ENOSF1: variants seen among roughly 807,000 people sequenced by gnomAD.
ENOSF1 encodes the protein mitochondrial enolase superfamily member 1.
ENOSF1 carries 73 observed loss-of-function variants against 68.2 expected under a neutral mutation model. That is an observed-to-expected ratio of 1.07 (90% CI 0.89 to 1.30). ENOSF1 has a LOEUF of 1.30. ENOSF1 is among the 50% of genes most tolerant of loss of function. The pLI is 0.00. For synonymous variants in ENOSF1, 223 were observed against 210.4 expected (o/e 1.06, Z -0.52); for missense variants, 589 against 554.5 (o/e 1.06, Z -0.62).
At chr18:674,888 T>G (rs1488413162) in intron 15 of ENOSF1, among the ~76,000 whole-genome samples, 1 of 152,250 alleles carries the variant, frequency 6.6e-6, no homozygotes, top group Non-Finnish European at 1.5e-5. Context: ...CATATTTTAC[T>G]GGCTACTTGC....
chr18:683,492 A>AC (rs897626652), intron 10 of ENOSF1, 112 bp from the exon 11 acceptor site: 2 of 1,289,924 alleles, frequency 1.6e-6, no homozygotes, highest in Non-Finnish European at 2.2e-6. Context: ...GCTGAGTGAG[A>AC]CCCCCTAACG....
At chr18:666,960 TGGAGATGGTGATGGA>T (rs1567989628), downstream of ENOSF1, among the ~76,000 whole-genome samples, 15 of 22,604 alleles carry the variant, frequency 6.6e-4, no homozygotes, top group Non-Finnish European at 9.2e-4. Context: ...GTGATGGAGA[TGGAGATGGTGATGGA>T]GATGGAGATG....
downstream of ENOSF1, chr18:667,587 GGT>G (rs2074881068): frequency 9.8e-6 from 1 of 102,096 alleles, no homozygotes; most frequent in Non-Finnish European, 1.9e-5. Context: ...TGATGGTGAT[GGT>G]GATGGTGATG....
rs765146014 is a variant in ENOSF1 at position 670,840 on chromosome 18, CA to C, written c.*3464del. 6.2e-7 allele frequency: 1 copy of C among 1,614,062 alleles called. No individual in the cohort carries two copies. Among genetic ancestry groups the C allele is most frequent in the South Asian group, 1.1e-5 (1 of 91,070 alleles). ...TCGCCAGCTACGCCCTGCTCACGTA[CA>C]TGATTGCGCACATCACGGGCCTGAA... is the stretch of plus-strand genomic sequence containing the variant. On this transcript the variant is annotated 3_prime_UTR_variant, in exon 16 of 16. Coordinates refer to ENST00000647584, the MANE Select transcript of ENOSF1 (RefSeq NM_017512.7).
At chr18:690,679 C>G in intron 7 of ENOSF1, 48 bp from the exon 8 acceptor site, 12 of 1,265,940 alleles carry the variant, frequency 9.5e-6, no homozygotes, top group Non-Finnish European at 1.3e-5. Flanking sequence ...CAGGGCCCTT[C>G]GGAATTGGAA....
rs765216475 is a variant in ENOSF1 at position 670,990 on chromosome 18, T to A, written c.*3315A>T. 570 of 1,239,856 alleles carry A rather than the reference T, an allele frequency of 4.6e-4. No individual in the cohort carries two copies. The highest frequency in any genetic ancestry group is 6.0e-4 in the Non-Finnish European group (538 of 903,160). The allele number at this position is 1,239,856 out of a possible 1,614,324, so 76.8% of individuals were successfully genotyped here. Reference sequence around the variant, plus strand: ...AGCTTTTAAATTTGATATGTGTAAGTAAGAAATGAACCAGCTTTTACTTTG... The same window carrying A: ...AGCTTTTAAATTTGATATGTGTAAGAAAGAAATGAACCAGCTTTTACTTTG... On this transcript the variant is annotated 3_prime_UTR_variant, in exon 16 of 16. Transcript: ENST00000647584.
chr18:677,529 G>T, intron 13 of ENOSF1, 85 bp from the exon 14 acceptor site: 1 of 1,273,814 alleles, frequency 7.9e-7, no homozygotes, highest in Non-Finnish European at 1.1e-6. Flanking sequence ...TTTTCTTATT[G>T]CCCACAGGTG....
At chr18:681,547 C>T (rs762621155) in intron 11 of ENOSF1, among the ~76,000 whole-genome samples, 11 of 152,130 alleles carry the variant, frequency 7.2e-5, no homozygotes, top group East Asian at 3.9e-4. Flanking sequence ...CTTGTTTCCC[C>T]GGGGCTCCTC....
chr18:685,597 TCCTA>T (rs780939621), intron 10 of ENOSF1, among the ~76,000 whole-genome samples: 2 of 152,082 alleles, frequency 1.3e-5, no homozygotes, highest in Non-Finnish European at 2.9e-5. Flanking sequence ...CCTGACACCC[TCCTA>T]CCTGAGGAGC....
downstream of ENOSF1, chr18:669,364 GGA>G (rs2074935317): frequency 5.2e-6 from 2 of 383,722 alleles, no homozygotes; most frequent in Admixed American, 4.0e-5. Flanking sequence ...TGGGCCCAGA[GGA>G]TTTTTTTTTT....
chr18:679,885 C>G (rs773368423), intron 11 of ENOSF1, among the ~76,000 whole-genome samples: 4 of 152,226 alleles, frequency 2.6e-5, no homozygotes, highest in Non-Finnish European at 5.9e-5. Flanking sequence ...TGACAGCTAA[C>G]ATTTTTGGAG....
intron 1 of ENOSF1, among the ~76,000 whole-genome samples, chr18:711,488 T>C (rs1254927879): frequency 6.6e-6 from 1 of 152,196 alleles, no homozygotes. Context: ...CCCAGCATAC[T>C]TTCACACATT....
At chr18:663,362 TGTTTG>T in the ENOSF1 span, among the ~76,000 whole-genome samples, 1 of 79,316 alleles carries the variant, frequency 1.3e-5, no homozygotes, top group African/African-American at 7.7e-5. Context: ...TTGATGGGGT[TGTTTG>T]TTTTTTTCTT....
At position 691,292 on chromosome 18, in the gene ENOSF1, G is replaced by A. The variant is rs765392889; in HGVS notation, c.424-16C>T. 6.2e-7 allele frequency: 1 copy of A among 1,603,284 alleles called. No individual in the cohort carries two copies. The highest frequency in any genetic ancestry group is 1.1e-5 in the South Asian group (1 of 90,330). On this transcript the variant is annotated splice_polypyrimidine_tract_variant and intron_variant, in intron 5 of 15. Coordinates refer to ENST00000647584, the MANE Select transcript of ENOSF1 (RefSeq NM_017512.7). Reference sequence around the variant, plus strand: ...TCCTGGGATCCTGGCAACGTGACAGGAGGGGAAGAGGCCTGAATCAATTAT... The same window carrying A: ...TCCTGGGATCCTGGCAACGTGACAGAAGGGGAAGAGGCCTGAATCAATTAT...
chr18:701,321 T>C (rs1009426340), intron 2 of ENOSF1, among the ~76,000 whole-genome samples: 1 of 152,182 alleles, frequency 6.6e-6, no homozygotes, highest in African/African-American at 2.4e-5. Context: ...TCATCAGTTG[T>C]ACCAAGTGGG....
rs2853534 is a variant in ENOSF1, at chr18:671,026, C to T, written c.*3279G>A. 0.35 allele frequency: 306,231 copies of T among 878,200 alleles called. 58,418 individuals are homozygous for T. The highest frequency in any genetic ancestry group is 0.66 in the East Asian group (24,647 of 37,456). 54.4% of individuals were successfully genotyped at this position (878,200 alleles called of 1,614,324 possible). A position where few individuals can be genotyped will look rare whatever the true frequency, so the allele number is the denominator to read the frequency against. ...CCAGCTTTTACTTTGAAACCTTCCTCTTCTGGAAGGTTTTCTGGCCCTGTG... is the reference window on the plus strand; with the variant it reads ...CCAGCTTTTACTTTGAAACCTTCCTTTTCTGGAAGGTTTTCTGGCCCTGTG... On this transcript the variant is annotated 3_prime_UTR_variant, in exon 16 of 16. Coordinates refer to ENST00000647584, the MANE Select transcript of ENOSF1 (RefSeq NM_017512.7).
At chr18:688,272 G>T in intron 9 of ENOSF1, 1 of 334,940 alleles carries the variant, frequency 3.0e-6, no homozygotes, top group Non-Finnish European at 5.6e-6. Context: ...TGTTCATGCA[G>T]AAACTGAATC....
At chr18:692,141 C>T (rs1242206563) in intron 5 of ENOSF1, 1 of 152,264 alleles carries the variant, frequency 6.6e-6, no homozygotes, top group Non-Finnish European at 1.5e-5. Flanking sequence ...TGGCTGACCA[C>T]TTACCAACAT....
chr18:678,832 C>T (rs1017365773), intron 11 of ENOSF1, 95 bp from the exon 12 acceptor site: 27 of 1,382,538 alleles, frequency 2.0e-5, no homozygotes, highest in Non-Finnish European at 2.8e-5. Context: ...AGGAAACGGC[C>T]CTGCTGTTAA....
Sources: gnomAD v4.1 joint callset for allele counts (sites outside exome capture counted in the v4.1 genomes callset) on GRCh38, gnomAD v4.1.1 for gene constraint, MANE v1.5 for transcripts, NCBI Gene and HGNC (gene_info 2026-07-23, HGNC 2026-07-21) for gene names.